KLHL12: variants seen among roughly 807,000 people sequenced by gnomAD.
KLHL12 encodes the protein kelch like family member 12, also known as kelch-like protein 12.
Under a neutral mutation model 60.8 loss-of-function variants are expected in KLHL12, and 17 were observed. The ratio of observed to expected loss-of-function variants is 0.28; its 90% CI spans 0.19 to 0.42. The LOEUF is 0.42. KLHL12 is among the 10% of genes least tolerant of loss of function. The pLI is 1.00. For missense variants in KLHL12, 468 were observed against 722.3 expected, an observed-to-expected ratio of 0.65 and a Z score of 4.04; for synonymous variants, 220 against 250.9, an observed-to-expected ratio of 0.88 and a Z score of 1.16.
intron 2 of KLHL12, among the ~76,000 whole-genome samples, chr1:202,921,177 AT>A (rs568392113): frequency 4.5e-3 from 601 of 135,010 alleles, no homozygotes; most frequent in East Asian, 4.9e-3. Context: ...CAACCAGCTA[AT>A]TTTTTTTTTT....
At chr1:202,925,916 C>A (rs1462238811) in intron 1 of KLHL12, among the ~76,000 whole-genome samples, 1 of 151,842 alleles carries the variant, frequency 6.6e-6, no homozygotes, top group East Asian at 1.9e-4. Context: ...AGCAGCCTGG[C>A]CAACATGGTG....
Position 202,927,101 on chromosome 1 carries a change from AC to A in KLHL12, c.-59del, listed in dbSNP as rs1336605636. The A allele has an allele frequency of 1.0e-6, 1 of 985,230 alleles. No homozygotes were observed. The highest frequency in any genetic ancestry group is 1.7e-5 in the African/African-American group (1 of 57,154). The allele number at this position is 985,230 out of a possible 1,614,324, so 61.0% of individuals were successfully genotyped here. On this transcript the variant is annotated 5_prime_UTR_variant, in exon 1 of 12. Transcript: ENST00000367261. ...CCGCGCAACTCACCTCCGCTCCCGA[AC>A]CCACACAGCCGCACCGGGCCCGTCC... is the stretch of plus-strand genomic sequence containing the variant.
rs761706946 is a variant in KLHL12 at position 202,892,662 on chromosome 1, G to C, written c.1581-3C>G. On this transcript the variant is annotated splice_region_variant and splice_polypyrimidine_tract_variant and intron_variant, in intron 11 of 11. Coordinates refer to ENST00000367261, the MANE Select transcript of KLHL12 (RefSeq NM_021633.4). ...TTAGCAGGGAATTACCATCATATCT[G>C]AGTGGGAAAGAAGCAAAAGAAAGAA... 6.2e-7 allele frequency: 1 copy of C among 1,613,160 alleles called. No homozygotes were observed. The highest frequency in any genetic ancestry group is 8.5e-7 in the Non-Finnish European group (1 of 1,179,318).
Position 202,893,307 on chromosome 1 carries a change from G to A in KLHL12, c.1512C>T (p.Thr504=). The A allele has an allele frequency of 6.2e-7, 1 of 1,613,548 alleles. No homozygotes were observed. Among genetic ancestry groups the A allele is most frequent in the Non-Finnish European group, 8.5e-7 (1 of 1,179,928 alleles). Residue 504 remains threonine (T), a synonymous_variant, in exon 11 of 12, where the codon ACC becomes ACT. Transcript: ENST00000367261. The surrounding 1 kb of genome is among the most constrained non-coding windows in gnomAD (Gnocchi z 4.1). ...NIRTDSWTTV[T]SMTTPRCYVG... is the part of the protein sequence containing the mutation. Reference sequence around the variant, plus strand: ...CATAGCATCGTGGAGTGGTCATACTGGTGACAGTTGTCCAGGAATCAGTGC... The same window carrying A: ...CATAGCATCGTGGAGTGGTCATACTAGTGACAGTTGTCCAGGAATCAGTGC...
At chr1:202,903,638 T>TTTTTTTTTTTTTTTTTTTTA (rs1660091449) in intron 6 of KLHL12, among the ~76,000 whole-genome samples, 1 of 136,346 alleles carries the variant, frequency 7.3e-6, no homozygotes, top group Non-Finnish European at 1.6e-5. Context: ...TCTTTTTTTT[T>TTTTTTTTTTTTTTTTTTTTA]TTGAAACGGC....
chr1:202,900,228 C>G (rs1361899772), intron 6 of KLHL12, among the ~76,000 whole-genome samples: 1 of 151,358 alleles, frequency 6.6e-6, no homozygotes, highest in Non-Finnish European at 1.5e-5. Flanking sequence ...CCCCACCCCC[C>G]AACCCCCCAA....
At position 202,895,171 on chromosome 1, in the gene KLHL12, C is replaced by T. The variant is rs1270142446; in HGVS notation, c.1135+351G>A. 6.6e-6 allele frequency among the ~76,000 whole-genome samples: 1 copy of T among 152,154 alleles called. No individual in the cohort carries two copies. The highest frequency in any genetic ancestry group is 1.5e-5 in the Non-Finnish European group (1 of 68,040). ...CCTTGGGAGGCCGAGGTGGGTCAATCACTTGAGCTCAGGAGTTAGAGATCA... is the reference window on the plus strand; with the variant it reads ...CCTTGGGAGGCCGAGGTGGGTCAATTACTTGAGCTCAGGAGTTAGAGATCA... On this transcript the variant is annotated intron_variant, in intron 8 of 11. Transcript: ENST00000367261. The surrounding 1 kb of genome is among the most constrained non-coding windows in gnomAD (Gnocchi z 4.2).
Position 202,914,470 on chromosome 1 carries a change from G to C in KLHL12, c.568-3267C>G, listed in dbSNP as rs560353335. Among the ~76,000 whole-genome samples the C allele has an allele frequency of 2.0e-5, 3 of 152,304 alleles. No homozygotes were observed. The South Asian group carries it at 6.2e-4, about 32-fold the overall frequency. ...TATGATTGGAAAATAGTTTTAAGCA[G>C]ATACATGATAGACTCTGACACATTC... On this transcript the variant is annotated intron_variant, in intron 4 of 11. Transcript: ENST00000367261.
Position 202,895,026 on chromosome 1 carries a change from T to C in KLHL12, c.1136-277A>G, listed in dbSNP as rs1340661293. Among the ~76,000 whole-genome samples, 1 of 152,202 alleles carries C rather than the reference T, an allele frequency of 6.6e-6. No homozygotes were observed. The highest frequency in any genetic ancestry group is 6.5e-5 in the Admixed American group (1 of 15,276). ...GCACATTGGAACTTGATTTGCCAAC[T>C]TTGTAGTCAATAATGAAACATCCAT... On this transcript the variant is annotated intron_variant, in intron 8 of 11. Coordinates refer to ENST00000367261, the MANE Select transcript of KLHL12 (RefSeq NM_021633.4). The surrounding 1 kb of genome is among the most constrained non-coding windows in gnomAD (Gnocchi z 4.2).
rs1659694266 is a variant in KLHL12, at chr1:202,892,136, C to G, written c.*397G>C. 6.5e-6 allele frequency: 1 copy of G among 153,054 alleles called. No homozygotes were observed. The highest frequency in any genetic ancestry group is 2.4e-5 in the African/African-American group (1 of 40,880). 9.5% of individuals were successfully genotyped at this position (153,054 alleles called of 1,614,324 possible). A position where few individuals can be genotyped will look rare whatever the true frequency, so the allele number is the denominator to read the frequency against. On this transcript the variant is annotated 3_prime_UTR_variant, in exon 12 of 12. Coordinates refer to ENST00000367261, the MANE Select transcript of KLHL12 (RefSeq NM_021633.4). The stretch of plus-strand genomic sequence containing the variant: ...CAAGTTTACTTAAACTGGTATCTTT[C>G]CAATCATCTAGGCTGGATATTGCCC...
chr1:202,908,753 ATGCCTGACAATGTATAAAG>A (rs1328842520), intron 6 of KLHL12, among the ~76,000 whole-genome samples: 4 of 152,238 alleles, frequency 2.6e-5, no homozygotes, highest in African/African-American at 9.6e-5. Flanking sequence ...ATATTATGTA[ATGCCTGACAATGTATAAAG>A]TGCTTTTATA....
At chr1:202,894,427 G>T in intron 9 of KLHL12, 145 bp from the exon 10 acceptor site, 1 of 881,932 alleles carries the variant, frequency 1.1e-6, no homozygotes, top group Non-Finnish European at 1.8e-6. Context: ...CTGACATTAT[G>T]CTTATAAGAA....
At chr1:202,896,129 T>C (rs1659824528) in intron 7 of KLHL12, among the ~76,000 whole-genome samples, 1 of 152,214 alleles carries the variant, frequency 6.6e-6, no homozygotes, top group Admixed American at 6.5e-5. Context: ...TGGATTTCCA[T>C]GTTTTCTCAG....
rs374959824 is a variant in KLHL12 at position 202,894,749 on chromosome 1, T to C, written c.1136A>G (p.Asp379Gly). The change falls in exon 9 of 12, where the codon GAT becomes GGT. Residue 379 changes from aspartate to glycine, a missense_variant and splice_region_variant. This residue lies in a region of KLHL12 where 339 missense variants were observed against 525.0 expected (regional missense o/e 0.65). Coordinates refer to ENST00000367261, the MANE Select transcript of KLHL12 (RefSeq NM_021633.4). ...RGLAGATTLGDMIYVSGGFDG... is the reference protein window; with the variant it reads ...RGLAGATTLGGMIYVSGGFDG... ...AAAGCCTCCAGAGACATAGATCATA[T>C]CTGCTCAGAATAAACAAATTACAGA... 7 of 1,612,608 alleles carry C rather than the reference T, an allele frequency of 4.3e-6. No individual in the cohort carries two copies. Among genetic ancestry groups the C allele is most frequent in the Non-Finnish European group, 5.9e-6 (7 of 1,178,700 alleles).
In KLHL12 at chr1:202,895,290, A is replaced by G. The variant is rs1557985073; in HGVS notation, c.1135+232T>C. The stretch of plus-strand genomic sequence containing the variant: ...TGCCTGTAGTCCCAGCTACTCAGGA[A>G]GCTGAGGTGGGAGGATCGCTTGAGC... On this transcript the variant is annotated intron_variant, in intron 8 of 11. Coordinates refer to ENST00000367261, the MANE Select transcript of KLHL12 (RefSeq NM_021633.4). This position sits in a 1 kb window ranked among gnomAD's most constrained non-coding sequence, Gnocchi z 4.2. Among the ~76,000 whole-genome samples the G allele has an allele frequency of 6.6e-6, 1 of 152,032 alleles. No individual in the cohort carries two copies. The highest frequency in any genetic ancestry group is 1.5e-5 in the Non-Finnish European group (1 of 67,984).
intron 4 of KLHL12, chr1:202,912,233 A>G (rs907638215): frequency 1.2e-5 from 13 of 1,102,306 alleles, no homozygotes; most frequent in Non-Finnish European, 1.6e-5. Flanking sequence ...TGACTGACTG[A>G]GGCAGTGGCA....
Position 202,927,187 on chromosome 1 carries a change from C to T in KLHL12, c.-144G>A. On this transcript the variant is annotated 5_prime_UTR_variant, in exon 1 of 12. Transcript: ENST00000367261. ...GCAGGCGGCTCGGGAGGAGCCGAAGCGCCGCCCAGACCCGGAGGCTCTGGA... is the reference window on the plus strand; with the variant it reads ...GCAGGCGGCTCGGGAGGAGCCGAAGTGCCGCCCAGACCCGGAGGCTCTGGA... 1.0e-6 allele frequency: 1 copy of T among 985,086 alleles called. No individual in the cohort carries two copies. The allele number at this position is 985,086 out of a possible 1,614,324, so 61.0% of individuals were successfully genotyped here. A position where few individuals can be genotyped will look rare whatever the true frequency, so the allele number is the denominator to read the frequency against.
At chr1:202,912,570 A>G in intron 4 of KLHL12, 1 of 1,172,394 alleles carries the variant, frequency 8.5e-7, no homozygotes, top group Non-Finnish European at 1.3e-6. Flanking sequence ...AACTACAATA[A>G]TCAGTCTTCA....
intron 4 of KLHL12, chr1:202,912,322 C>T (rs1660387655): frequency 3.7e-6 from 3 of 800,160 alleles, no homozygotes; most frequent in African/African-American, 1.7e-5. Context: ...TACCATCCTA[C>T]GAATGGCCAT....
Sources: gnomAD v4.1 joint callset for allele counts (sites outside exome capture counted in the v4.1 genomes callset) on GRCh38, gnomAD v4.1.1 for gene constraint, gnomAD v4.1.1 regional missense constraint, Gnocchi (gnomAD v3.1) non-coding constraint, MANE v1.5 for transcripts, NCBI Gene and HGNC (gene_info 2026-07-23, HGNC 2026-07-21) for gene names.